The following DLC1 variants were observed in gnomAD, a reference collection of about 807,000 sequenced individuals.
The protein encoded by DLC1 is rho GTPase-activating protein 7.
DLC1 carries 54 observed loss-of-function variants against 140.3 expected under a neutral mutation model. The ratio of observed to expected loss-of-function variants is 0.38; its 90% CI spans 0.31 to 0.48. The LOEUF (loss-of-function observed/expected upper bound fraction) is 0.48, where lower values mean the gene tolerates loss of function less well. Among genes scored for constraint, DLC1 ranks in the 20% least tolerant of loss-of-function variants. DLC1 has a pLI of 0.96. For synonymous variants in DLC1, 986 were observed against 728.1 expected, an observed-to-expected ratio of 1.35 and a Z score of -5.70; for missense variants, 2,536 against 1,907.0, an observed-to-expected ratio of 1.33 and a Z score of -6.14.
rs1444341528 is a variant in DLC1 at position 13,602,458 on chromosome 8, T to C, written c.-126+2079A>G. Among the ~76,000 whole-genome samples, 4 of 151,844 alleles carry C rather than the reference T, an allele frequency of 2.6e-5. No homozygotes were observed. In the East Asian group the frequency reaches 7.7e-4, roughly 29 times the overall value. Reference sequence around the variant, plus strand: ...AGTAATTTAAAGAAGAGAGCTTACCTTTTGGAGATGTATACAATATCGATT... The same window carrying C: ...AGTAATTTAAAGAAGAGAGCTTACCCTTTGGAGATGTATACAATATCGATT... On this transcript the variant is annotated intron_variant, in intron 1 of 1. Transcript: ENST00000631382.
In DLC1 at chr8:13,393,617, G is replaced by T. The variant is rs73551600; in HGVS notation, c.1250C>A (p.Thr417Asn). ...NQTRVNLSSD[T>N]ESTDLPSSTP... ...GGAAGATGGGAGGTCCGTGGACTCAGTGTCAGAAGACAAATTTACTCGTGT... is the reference window on the plus strand; with the variant it reads ...GGAAGATGGGAGGTCCGTGGACTCATTGTCAGAAGACAAATTTACTCGTGT... Residue 417 changes from threonine (T) to asparagine (N), a missense_variant, in exon 4 of 18, where the codon ACT becomes AAT. Thr to Asn is a moderately conservative substitution (Grantham distance 65). Transcript: ENST00000276297. 8.1e-6 allele frequency: 13 copies of T among 1,614,068 alleles called. No individual in the cohort carries two copies. The highest frequency in any genetic ancestry group is 6.7e-5 in the African/African-American group (5 of 74,928).
intron 2 of DLC1, among the ~76,000 whole-genome samples, chr8:13,468,529 G>A (rs1416077295): frequency 1.3e-5 from 2 of 151,494 alleles, no homozygotes; most frequent in African/African-American, 4.9e-5. Context: ...GTGCACCACC[G>A]TGCTTGCCTA....
chr8:13,559,698 T>C (rs912042469), intron 1 of DLC1, among the ~76,000 whole-genome samples: 1 of 152,184 alleles, frequency 6.6e-6, no homozygotes, highest in East Asian at 1.9e-4. Flanking sequence ...TCGTTGTGAA[T>C]TCCAATTCTG....
intron 1 of DLC1, among the ~76,000 whole-genome samples, chr8:13,506,086 G>A (rs1381912118): frequency 1.3e-5 from 2 of 151,856 alleles, no homozygotes; most frequent in African/African-American, 4.8e-5. Flanking sequence ...AGTCCTTTGA[G>A]AATACATGTG....
At chr8:13,493,263 C>T (rs1462891500) in intron 2 of DLC1, among the ~76,000 whole-genome samples, 2 of 152,148 alleles carry the variant, frequency 1.3e-5, no homozygotes, top group Non-Finnish European at 2.9e-5. Flanking sequence ...ACATTCCTTC[C>T]CTCCTTGTCG....
chr8:13,088,382 C>A lies in DLC1; in HGVS notation c.4292+105G>T, dbSNP rs1352727097. 2.3e-6 allele frequency: 3 copies of A among 1,319,550 alleles called. No homozygotes were observed. In the African/African-American group the frequency reaches 4.4e-5, roughly 19 times the overall value. 81.7% of individuals were successfully genotyped at this position (1,319,550 alleles called of 1,614,324 possible). A position where few individuals can be genotyped will look rare whatever the true frequency, so the allele number is the denominator to read the frequency against. On this transcript the variant is annotated intron_variant, in intron 16 of 17. Coordinates refer to ENST00000276297, the MANE Select transcript of DLC1 (RefSeq NM_182643.3). ...CAGGTGTGAGCCACCATATGCCCGG[C>A]CTCTACTTTAAATAATTATACCATC... is the stretch of plus-strand genomic sequence containing the variant.
chr8:13,296,658 A>C lies in DLC1; in HGVS notation c.1348+8611T>G, dbSNP rs3097641. ...ATTCAAAACTATTTCTTGAGCACCTACTCTGTGCAAGATATCACATGGCAT... is the reference window on the plus strand; with the variant it reads ...ATTCAAAACTATTTCTTGAGCACCTCCTCTGTGCAAGATATCACATGGCAT... On this transcript the variant is annotated intron_variant, in intron 5 of 17. Transcript: ENST00000276297. 3.3e-3 allele frequency among the ~76,000 whole-genome samples: 503 copies of C among 152,124 alleles called. 4 individuals carry two copies. Among genetic ancestry groups the C allele is most frequent in the African/African-American group, 0.011 (459 of 41,484 alleles).
At chr8:13,430,972 T>A (rs1044448251) in intron 2 of DLC1, among the ~76,000 whole-genome samples, 3 of 152,188 alleles carry the variant, frequency 2.0e-5, no homozygotes, top group African/African-American at 7.2e-5. Context: ...ATGAAACATA[T>A]TGAAAAATTG....
intron 5 of DLC1, among the ~76,000 whole-genome samples, chr8:13,194,684 T>C (rs1238949956): frequency 1.3e-5 from 2 of 152,158 alleles, no homozygotes; most frequent in Non-Finnish European, 1.5e-5. Context: ...GAAGAAACAT[T>C]GTAGGCCGCA....
intron 4 of DLC1, among the ~76,000 whole-genome samples, chr8:13,320,298 C>G (rs1024479890): frequency 3.3e-5 from 5 of 152,114 alleles, no homozygotes; most frequent in African/African-American, 9.7e-5. Context: ...GATTTCTGCT[C>G]TCTATGAAAT....
intron 1 of DLC1, among the ~76,000 whole-genome samples, chr8:13,535,615 T>C (rs1340570510): frequency 6.9e-6 from 1 of 144,266 alleles, no homozygotes; most frequent in East Asian, 2.1e-4. Context: ...CTTCTGAAAC[T>C]GCCAAAGTGG....
intron 5 of DLC1, among the ~76,000 whole-genome samples, chr8:13,201,542 G>T (rs577053103): frequency 1.2e-3 from 181 of 152,058 alleles, no homozygotes; most frequent in African/African-American, 4.0e-3. Context: ...GAGAAGAAAA[G>T]CTCTTAATTT....
intron 2 of DLC1, among the ~76,000 whole-genome samples, chr8:13,429,212 A>G (rs1838748641): frequency 6.6e-6 from 1 of 152,226 alleles, no homozygotes; most frequent in Admixed American, 6.5e-5. Flanking sequence ...GGTCTTCTCC[A>G]AGGCCTACCA....
rs1352623235 is a variant in DLC1, at chr8:13,188,843, A to T, written c.1349-73186T>A. Among the ~76,000 whole-genome samples the T allele has an allele frequency of 5.5e-3, 167 of 30,384 alleles. 3 individuals carry two copies. The highest frequency in any genetic ancestry group is 0.014 in the African/African-American group (128 of 9,074). The allele number at this position is 30,384 out of a possible 152,430, so 19.9% of individuals were successfully genotyped here. ...TATATATATGTATATATATATATAT[A>T]TTTTTTTTTTTTTTTTTTTTTTTTT... is the stretch of plus-strand genomic sequence containing the variant. On this transcript the variant is annotated intron_variant, in intron 5 of 17. Transcript: ENST00000276297.
chr8:13,154,540 G>T (rs964604754), intron 5 of DLC1, among the ~76,000 whole-genome samples: 28 of 152,186 alleles, frequency 1.8e-4, no homozygotes, highest in Admixed American at 1.8e-3. Flanking sequence ...GCTGGCCCAC[G>T]AGTGCCAGTG....
At chr8:13,577,023 C>G (rs1395664198) in intron 1 of DLC1, among the ~76,000 whole-genome samples, 1 of 152,172 alleles carries the variant, frequency 6.6e-6, no homozygotes, top group East Asian at 1.9e-4. Context: ...ACATAATCTA[C>G]TGACTCTGTG....
intron 2 of DLC1, among the ~76,000 whole-genome samples, chr8:13,457,405 A>G (rs978287545): frequency 6.6e-6 from 1 of 152,136 alleles, no homozygotes; most frequent in Non-Finnish European, 1.5e-5. Context: ...GTTGCTGGGC[A>G]CGGTGGCTCA....
At chr8:13,434,156 C>T (rs1245001532) in intron 2 of DLC1, among the ~76,000 whole-genome samples, 3 of 152,234 alleles carry the variant, frequency 2.0e-5, no homozygotes, top group African/African-American at 7.2e-5. Context: ...GGATTACAGG[C>T]GTGAGCCACT....
rs1156559961 is a variant in DLC1 at position 13,579,357 on chromosome 8, A to T, written c.-126+25180T>A. On this transcript the variant is annotated intron_variant, in intron 1 of 1. Transcript: ENST00000631382. The stretch of plus-strand genomic sequence containing the variant: ...TATATATATATATATATATATATAT[A>T]TATATTTTTATATAATACATATTTA... Among the ~76,000 whole-genome samples, 49 of 27,556 alleles carry T rather than the reference A, an allele frequency of 1.8e-3. 7 individuals carry two copies. The highest frequency in any genetic ancestry group is 0.011 in the South Asian group (11 of 990). 18.1% of individuals were successfully genotyped at this position (27,556 alleles called of 152,430 possible).
Sources: gnomAD v4.1 joint callset for allele counts (sites outside exome capture counted in the v4.1 genomes callset) on GRCh38, gnomAD v4.1.1 for gene constraint, MANE v1.5 for transcripts, NCBI Gene and HGNC (gene_info 2026-07-23, HGNC 2026-07-21) for gene names.